The following TMEM132C variants were observed in gnomAD, a reference collection of about 807,000 sequenced individuals.
The protein encoded by TMEM132C is protein phosphatase 1, regulatory subunit 152.
Under a neutral mutation model 61.4 loss-of-function variants are expected in TMEM132C, and 29 were observed. The observed-to-expected ratio is 0.47, with a 90% CI of 0.35 to 0.64. The LOEUF (loss-of-function observed/expected upper bound fraction) is 0.64. Among genes scored for constraint, TMEM132C ranks in the 30% least tolerant of loss-of-function variants. TMEM132C has a pLI of 0.00. For missense variants in TMEM132C, 1,408 were observed against 1,476.9 expected (o/e 0.95, Z 0.76); for synonymous variants, 656 against 633.1 (o/e 1.04, Z -0.54).
chr12:128,417,047 G>A (rs1868806093), intron 2 of TMEM132C, among the ~76,000 whole-genome samples: 1 of 152,180 alleles, frequency 6.6e-6, no homozygotes, highest in Admixed American at 6.5e-5. Context: ...ATGACCTTGT[G>A]ACTGAGGAGC....
chr12:128,545,366 T>G (rs1873910855), intron 3 of TMEM132C, among the ~76,000 whole-genome samples: 1 of 152,220 alleles, frequency 6.6e-6, no homozygotes, highest in African/African-American at 2.4e-5. Flanking sequence ...TTGATCCAGT[T>G]CACTGTGGAT....
intron 1 of TMEM132C, among the ~76,000 whole-genome samples, chr12:128,277,882 G>T (rs1870747373): frequency 6.6e-6 from 1 of 151,864 alleles, no homozygotes; most frequent in East Asian, 1.9e-4. Context: ...TCTACCTCTG[G>T]GTGGCTTTTC....
At chr12:128,349,980 C>A (rs1873287961) in intron 1 of TMEM132C, among the ~76,000 whole-genome samples, 2 of 152,048 alleles carry the variant, frequency 1.3e-5, no homozygotes, top group Non-Finnish European at 2.9e-5. Flanking sequence ...TTAAAAATTA[C>A]TTTTGAGAAG....
Position 128,415,544 on chromosome 12 carries a change from C to T in TMEM132C, c.898C>T (p.Pro300Ser), listed in dbSNP as rs781305645. 1 of 1,551,330 alleles carries T rather than the reference C, an allele frequency of 6.4e-7. No homozygotes were observed. Among genetic ancestry groups the T allele is most frequent in the Non-Finnish European group, 8.7e-7 (1 of 1,146,948 alleles). ...CGTGGTCATCTGGCTGCCTTCCAGG[C>T]CAGTCAAGCAGGGAGAGGTGGTCAC... ...GNVVIWLPSRPVKQGEVVTAY... is the reference protein window; with the variant it reads ...GNVVIWLPSRSVKQGEVVTAY... Residue 300 changes from proline to serine, a missense_variant, in exon 2 of 9, where the codon CCA becomes TCA. Coordinates refer to ENST00000435159, the MANE Select transcript of TMEM132C (RefSeq NM_001136103.3). The surrounding 1 kb of genome is among the most constrained non-coding windows in gnomAD (Gnocchi z 5.8).
chr12:128,414,854 G>A lies in TMEM132C; in HGVS notation c.208G>A (p.Asp70Asn). ...TSFFLKEANQDLLRNSSLQAR... is the reference protein window; with the variant it reads ...TSFFLKEANQNLLRNSSLQAR... ...CTTCTTCCTCAAGGAAGCCAACCAG[G>A]ACCTGCTGCGGAACTCCAGCCTGCA... Residue 70 changes from aspartate to asparagine, a missense_variant, in exon 2 of 9, where the codon GAC becomes AAC. Physicochemically the swap from Asp to Asn is conservative, Grantham distance 23. Coordinates refer to ENST00000435159, the MANE Select transcript of TMEM132C (RefSeq NM_001136103.3). 6.5e-7 allele frequency: 1 copy of A among 1,550,164 alleles called. No homozygotes were observed. Among genetic ancestry groups the A allele is most frequent in the Admixed American group, 2.0e-5 (1 of 51,010 alleles).
At chr12:128,332,933 GAAAA>G (rs2135946150) in intron 1 of TMEM132C, among the ~76,000 whole-genome samples, 1 of 152,324 alleles carries the variant, frequency 6.6e-6, no homozygotes, top group Admixed American at 6.5e-5. Context: ...ATTTGCTAAA[GAAAA>G]TGTGAATTTT....
rs571147904 is a variant in TMEM132C at position 128,467,086 on chromosome 12, G to A, written c.974+51466G>A. ...AAGGTCAGGCAGGGACAGTGGAATT[G>A]TTGAAACCTCCCATGGAATTGGGAA... On this transcript the variant is annotated intron_variant, in intron 2 of 8. Coordinates refer to ENST00000435159, the MANE Select transcript of TMEM132C (RefSeq NM_001136103.3). Among the ~76,000 whole-genome samples, 5 of 152,344 alleles carry A rather than the reference G, an allele frequency of 3.3e-5. No individual in the cohort carries two copies. In the South Asian group the frequency reaches 1.0e-3, roughly 32 times the overall value.
At chr12:128,701,136 C>G (rs769667326) in intron 8 of TMEM132C, among the ~76,000 whole-genome samples, 8 of 152,084 alleles carry the variant, frequency 5.3e-5, no homozygotes, top group Non-Finnish European at 1.0e-4. Flanking sequence ...TTCCATGAGT[C>G]CTTCATTGAG....
chr12:128,369,847 C>T (rs1440914461), intron 1 of TMEM132C, among the ~76,000 whole-genome samples: 2 of 152,192 alleles, frequency 1.3e-5, no homozygotes, highest in Admixed American at 6.5e-5. Context: ...TTTGGTTCCT[C>T]ATTTGTTCCT....
chr12:128,649,107 T>C (rs2135608048), intron 4 of TMEM132C, among the ~76,000 whole-genome samples: 1 of 152,350 alleles, frequency 6.6e-6, no homozygotes, highest in Non-Finnish European at 1.5e-5. Context: ...GTCCAGGTGA[T>C]TGCCAGCCTG....
At chr12:128,419,364 T>C (rs1368012354) in intron 2 of TMEM132C, among the ~76,000 whole-genome samples, 1 of 152,078 alleles carries the variant, frequency 6.6e-6, no homozygotes, top group Non-Finnish European at 1.5e-5. Context: ...AACAGCAAAC[T>C]CTCTAGGATG....
chr12:128,545,130 C>T (rs190730351), intron 3 of TMEM132C, among the ~76,000 whole-genome samples: 7 of 152,256 alleles, frequency 4.6e-5, no homozygotes, highest in South Asian at 2.1e-4. Context: ...TCCCTCTCCC[C>T]GGCTCTAGGG....
chr12:128,437,425 A>G (rs1160132575), intron 2 of TMEM132C, among the ~76,000 whole-genome samples: 1 of 152,344 alleles, frequency 6.6e-6, no homozygotes, highest in East Asian at 1.9e-4. Context: ...ATCATGCTCC[A>G]CTGCCTTCCT....
chr12:128,379,066 A>T (rs1478262831), intron 1 of TMEM132C, among the ~76,000 whole-genome samples: 1 of 152,114 alleles, frequency 6.6e-6, no homozygotes, highest in Non-Finnish European at 1.5e-5. Context: ...TTTCTTTGTA[A>T]ATGGCCCAGT....
At chr12:128,377,560 T>C (rs1458323067) in intron 1 of TMEM132C, among the ~76,000 whole-genome samples, 1 of 152,150 alleles carries the variant, frequency 6.6e-6, no homozygotes, top group African/African-American at 2.4e-5. Flanking sequence ...TGGAAGTGAA[T>C]ACAACAGGAA....
At chr12:128,356,419 G>A (rs1873506721) in intron 1 of TMEM132C, among the ~76,000 whole-genome samples, 1 of 152,128 alleles carries the variant, frequency 6.6e-6, no homozygotes, top group Non-Finnish European at 1.5e-5. Context: ...AATAAAACGC[G>A]TCGACTCCAT....
intron 1 of TMEM132C, among the ~76,000 whole-genome samples, chr12:128,279,792 C>A (rs1466437364): frequency 6.6e-6 from 1 of 152,212 alleles, no homozygotes; most frequent in Admixed American, 6.5e-5. Context: ...CTATTTTGTC[C>A]TTTCTCTTTG....
At chr12:128,548,363 G>A (rs570656159) in intron 3 of TMEM132C, among the ~76,000 whole-genome samples, 1 of 152,256 alleles carries the variant, frequency 6.6e-6, no homozygotes, top group East Asian at 1.9e-4. Context: ...AAATTTCAGT[G>A]ATATTTGTTG....
intron 4 of TMEM132C, among the ~76,000 whole-genome samples, chr12:128,617,282 C>A (rs1206907773): frequency 6.6e-6 from 1 of 152,210 alleles, no homozygotes; most frequent in African/African-American, 2.4e-5. Flanking sequence ...TCTCCTTCCT[C>A]TTTGTTAGTC....
Sources: gnomAD v4.1 joint callset for allele counts (sites outside exome capture counted in the v4.1 genomes callset) on GRCh38, gnomAD v4.1.1 for gene constraint, Gnocchi (gnomAD v3.1) non-coding constraint, MANE v1.5 for transcripts, NCBI Gene and HGNC (gene_info 2026-07-23, HGNC 2026-07-21) for gene names.